The following PLCXD3 variants were observed in gnomAD, a reference collection of about 807,000 sequenced individuals.
PLCXD3 encodes PI-PLC X domain-containing protein 3.
A neutral mutation model predicts 25.5 loss-of-function variants in PLCXD3; 19 were observed. That is an observed-to-expected ratio of 0.75 (90% CI 0.52 to 1.09). The LOEUF (loss-of-function observed/expected upper bound fraction) is 1.09, where lower values mean the gene tolerates loss of function less well. Ranked by LOEUF, PLCXD3 falls within the 50% of genes least tolerant of loss-of-function variation. PLCXD3 has a pLI of 0.00. For missense variants in PLCXD3, 411 were observed against 388.1 expected, an observed-to-expected ratio of 1.06 and a Z score of -0.50; for synonymous variants, 174 against 137.6, an observed-to-expected ratio of 1.26 and a Z score of -1.85.
intron 1 of PLCXD3, among the ~76,000 whole-genome samples, chr5:41,454,646 A>G (rs554158398): frequency 2.9e-4 from 44 of 152,072 alleles, no homozygotes; most frequent in South Asian, 2.3e-3. Context: ...AAGACAGAGA[A>G]ACACACACAG....
At chr5:41,402,951 C>T (rs185303110) in intron 1 of PLCXD3, among the ~76,000 whole-genome samples, 1 of 152,152 alleles carries the variant, frequency 6.6e-6, no homozygotes, top group Admixed American at 6.6e-5. Flanking sequence ...TATATCCAGT[C>T]TGACAATGTC....
chr5:41,437,165 A>T (rs555261141), intron 1 of PLCXD3, among the ~76,000 whole-genome samples: 8 of 152,226 alleles, frequency 5.3e-5, no homozygotes, highest in Non-Finnish European at 1.2e-4. Flanking sequence ...AAATCAGAAG[A>T]CATCACACCT....
At chr5:41,496,091 A>G (rs1418869601) in intron 1 of PLCXD3, among the ~76,000 whole-genome samples, 1 of 152,154 alleles carries the variant, frequency 6.6e-6, no homozygotes, top group Non-Finnish European at 1.5e-5. Context: ...AATCCACTGG[A>G]GATATTCAAG....
Position 41,382,373 on chromosome 5 carries a change from C to T in PLCXD3, c.265G>A (p.Gly89Arg), listed in dbSNP as rs767987862. ...AGATCAAAATAACGAATTCCAGCTCCTAGCTGGCCAGTAAAATTCATTGTC... is the reference window on the plus strand; with the variant it reads ...AGATCAAAATAACGAATTCCAGCTCTTAGCTGGCCAGTAAAATTCATTGTC... ...TQTMNFTGQL[G>R]AGIRYFDLRI... The change falls in exon 2 of 3, where the codon GGA becomes AGA. Residue 89 changes from glycine (G) to arginine (R), a missense_variant. Transcript: ENST00000377801. 3 of 1,613,478 alleles carry T rather than the reference C, an allele frequency of 1.9e-6. No homozygotes were observed. The highest frequency in any genetic ancestry group is 2.2e-5 in the East Asian group (1 of 44,806).
At chr5:41,492,415 G>T (rs1425830085) in intron 1 of PLCXD3, among the ~76,000 whole-genome samples, 1 of 151,898 alleles carries the variant, frequency 6.6e-6, no homozygotes, top group Non-Finnish European at 1.5e-5. Flanking sequence ...TATGTGTCTT[G>T]GAGTTGCTCT....
intron 1 of PLCXD3, among the ~76,000 whole-genome samples, chr5:41,399,820 C>T (rs1328906446): frequency 3.3e-5 from 5 of 152,196 alleles, no homozygotes; most frequent in African/African-American, 1.2e-4. Flanking sequence ...GAAGCACAAG[C>T]AACCAAAGCA....
chr5:41,501,598 A>G (rs1398025878), intron 1 of PLCXD3, among the ~76,000 whole-genome samples: 1 of 152,048 alleles, frequency 6.6e-6, no homozygotes, highest in East Asian at 1.9e-4. Flanking sequence ...AAGATGAAAA[A>G]GTTCTAGAGG....
chr5:41,484,618 C>T (rs1580396242), intron 1 of PLCXD3, among the ~76,000 whole-genome samples: 1 of 152,148 alleles, frequency 6.6e-6, no homozygotes, highest in East Asian at 1.9e-4. Flanking sequence ...ATTTTAAGAA[C>T]TCTGTCCTGA....
chr5:41,475,258 G>T (rs1748254704), intron 1 of PLCXD3, among the ~76,000 whole-genome samples: 1 of 152,148 alleles, frequency 6.6e-6, no homozygotes, highest in South Asian at 2.1e-4. Flanking sequence ...AACTTATGTT[G>T]CTGCCAGCAG....
intron 2 of PLCXD3, among the ~76,000 whole-genome samples, chr5:41,327,089 T>C (rs995284950): frequency 6.6e-6 from 1 of 152,084 alleles, no homozygotes. Context: ...TATTTGAACT[T>C]GGTCATGCCT....
chr5:41,477,936 G>A (rs1748315880), intron 1 of PLCXD3, among the ~76,000 whole-genome samples: 1 of 152,204 alleles, frequency 6.6e-6, no homozygotes, highest in South Asian at 2.1e-4. Flanking sequence ...AGTCACTCAA[G>A]ACTCTGCCAG....
intron 1 of PLCXD3, among the ~76,000 whole-genome samples, chr5:41,408,881 A>G (rs1167326147): frequency 6.6e-6 from 1 of 152,216 alleles, no homozygotes; most frequent in East Asian, 1.9e-4. Context: ...CTAAATAATA[A>G]GAAAGATGGG....
chr5:41,373,159 G>T (rs1297750525), intron 2 of PLCXD3, among the ~76,000 whole-genome samples: 1 of 152,094 alleles, frequency 6.6e-6, no homozygotes, highest in Non-Finnish European at 1.5e-5. Context: ...TCTTTCCCAA[G>T]AGTTAAATGG....
intron 1 of PLCXD3, among the ~76,000 whole-genome samples, chr5:41,431,365 C>T (rs1318131259): frequency 1.3e-5 from 2 of 152,184 alleles, no homozygotes; most frequent in Non-Finnish European, 2.9e-5. Flanking sequence ...AAAAGACACA[C>T]TAAGTATACA....
intron 1 of PLCXD3, among the ~76,000 whole-genome samples, chr5:41,503,103 G>A (rs73081525): frequency 0.011 from 1,725 of 152,188 alleles, 29 homozygotes; most frequent in African/African-American, 0.039. Context: ...GGCAGCATGG[G>A]TGTATAGCCT....
chr5:41,489,629 T>C (rs1450068316), intron 1 of PLCXD3, among the ~76,000 whole-genome samples: 1 of 151,744 alleles, frequency 6.6e-6, no homozygotes, highest in Admixed American at 6.6e-5. Flanking sequence ...GTAGTTCTCC[T>C]TGAAGAGGTC....
At chr5:41,321,708 G>T (rs141911444) in intron 2 of PLCXD3, among the ~76,000 whole-genome samples, 1 of 152,090 alleles carries the variant, frequency 6.6e-6, no homozygotes, top group Admixed American at 6.6e-5. Flanking sequence ...ACACAGCATG[G>T]CACTGGCATA....
intron 1 of PLCXD3, among the ~76,000 whole-genome samples, chr5:41,476,301 A>T (rs962019146): frequency 6.6e-6 from 1 of 152,210 alleles, no homozygotes; most frequent in African/African-American, 2.4e-5. Context: ...TTTGGCTGGC[A>T]TCTAAAAACT....
chr5:41,402,083 T>A (rs184925811), intron 1 of PLCXD3, among the ~76,000 whole-genome samples: 97 of 152,072 alleles, frequency 6.4e-4, no homozygotes, highest in Admixed American at 9.8e-4. Flanking sequence ...GTATTTTCCT[T>A]ATTGATGTCT....
Sources: allele counts gnomAD v4.1 joint callset (sites outside exome capture counted in the v4.1 genomes callset), GRCh38; gene constraint gnomAD v4.1.1; transcripts MANE v1.5; gene names NCBI Gene and HGNC (gene_info 2026-07-23, HGNC 2026-07-21).